Variants in RPS6KA5 observed in about 807,000 individuals in gnomAD.
RPS6KA5 encodes the protein ribosomal protein S6 kinase alpha-5.
RPS6KA5 carries 27 observed loss-of-function variants against 85.5 expected under a neutral mutation model. The ratio of observed to expected loss-of-function variants is 0.32; its 90% confidence interval spans 0.23 to 0.44. RPS6KA5 has a LOEUF of 0.44. Ranked by LOEUF, RPS6KA5 falls within the 20% of genes least tolerant of loss-of-function variation. RPS6KA5 has a pLI of 1.00. For synonymous variants in RPS6KA5, 334 were observed against 348.2 expected (o/e 0.96, Z 0.46); for missense variants, 811 against 980.9 (o/e 0.83, Z 2.31).
intron 2 of RPS6KA5, among the ~76,000 whole-genome samples, chr14:90,998,007 G>GAA (rs58227226): frequency 0.038 from 2,240 of 59,450 alleles, 164 homozygotes; most frequent in Non-Finnish European, 0.05. Flanking sequence ...GACTCTGTCT[G>GAA]AAAAAAAAAA....
intron 1 of RPS6KA5, among the ~76,000 whole-genome samples, chr14:91,049,977 GTCTGC>G (rs1217872532): frequency 2.0e-5 from 3 of 152,234 alleles, no homozygotes; most frequent in Non-Finnish European, 4.4e-5. Context: ...TCTACATGCA[GTCTGC>G]CATTGACCAA....
At position 91,020,622 on chromosome 14, in the gene RPS6KA5, G is replaced by GTGTGTGTA. The variant is rs1386897652; in HGVS notation, c.104-19464_104-19463insTACACACA. Among the ~76,000 whole-genome samples, 38 of 145,638 alleles carry GTGTGTGTA rather than the reference G, an allele frequency of 2.6e-4. 1 individual carries two copies. Among genetic ancestry groups the GTGTGTGTA allele is most frequent in the African/African-American group, 5.0e-4 (19 of 37,658 alleles). On this transcript the variant is annotated intron_variant, in intron 1 of 16. Transcript: ENST00000614987. ...TGTATGTATATATCCTATTGTGTGT[G>GTGTGTGTA]TGTGTGTGTGTGTGTGTGTGTGTGT...
At chr14:90,874,514 T>G (rs1336220876) in intron 15 of RPS6KA5, among the ~76,000 whole-genome samples, 2 of 152,014 alleles carry the variant, frequency 1.3e-5, no homozygotes, top group African/African-American at 2.4e-5. Flanking sequence ...CAGGACCAGG[T>G]CATGAGGGGC....
intron 11 of RPS6KA5, among the ~76,000 whole-genome samples, chr14:90,899,675 A>G (rs970421285): frequency 6.6e-6 from 1 of 152,240 alleles, no homozygotes; most frequent in Non-Finnish European, 1.5e-5. Flanking sequence ...TTTCCTGACA[A>G]TTTAGAGTAA....
chr14:91,036,746 T>C (rs1415046682), intron 1 of RPS6KA5, among the ~76,000 whole-genome samples: 1 of 152,236 alleles, frequency 6.6e-6, no homozygotes, highest in African/African-American at 2.4e-5. Context: ...TTGTCAATTG[T>C]CTGTGCAAGG....
intron 1 of RPS6KA5, among the ~76,000 whole-genome samples, chr14:91,050,775 A>G (rs1275089837): frequency 6.6e-6 from 1 of 152,246 alleles, no homozygotes; most frequent in Non-Finnish European, 1.5e-5. Context: ...AAAAATAAAA[A>G]AAAAGCAAGT....
chr14:91,016,814 G>A (rs981020162), intron 1 of RPS6KA5, among the ~76,000 whole-genome samples: 1 of 147,190 alleles, frequency 6.8e-6, no homozygotes, highest in Non-Finnish European at 1.5e-5. Context: ...TTGGAAAATC[G>A]ATGACAAGAA....
At chr14:90,885,199 G>A (rs1038348443) in intron 14 of RPS6KA5, among the ~76,000 whole-genome samples, 13 of 149,984 alleles carry the variant, frequency 8.7e-5, no homozygotes, top group South Asian at 6.3e-4. Flanking sequence ...GCTGCAGTGA[G>A]CCATGAACGT....
chr14:90,983,276 C>CAAAA (rs562999325), intron 2 of RPS6KA5, among the ~76,000 whole-genome samples: 6 of 66,516 alleles, frequency 9.0e-5, no homozygotes, highest in Non-Finnish European at 1.2e-4. Context: ...GACTCCATCT[C>CAAAA]AAAAAAAAAA....
At chr14:90,981,760 G>A (rs755270143) in intron 2 of RPS6KA5, among the ~76,000 whole-genome samples, 59 of 152,234 alleles carry the variant, frequency 3.9e-4, no homozygotes, top group Non-Finnish European at 6.9e-4. Context: ...TCACCACATG[G>A]TAAGTGCCAG....
chr14:90,958,465 G>A (rs1477424761), intron 3 of RPS6KA5, among the ~76,000 whole-genome samples: 1 of 152,060 alleles, frequency 6.6e-6, no homozygotes, highest in Non-Finnish European at 1.5e-5. Flanking sequence ...TCCTTAGAAA[G>A]GAATATTTTT....
At chr14:90,930,932 T>C (rs866059891) in intron 5 of RPS6KA5, among the ~76,000 whole-genome samples, 10 of 152,210 alleles carry the variant, frequency 6.6e-5, no homozygotes, top group Non-Finnish European at 1.3e-4. Flanking sequence ...TTTTTAGCAC[T>C]GCTGGTGAGA....
At chr14:90,931,753 C>T (rs2036992432) in intron 5 of RPS6KA5, among the ~76,000 whole-genome samples, 1 of 152,044 alleles carries the variant, frequency 6.6e-6, no homozygotes, top group Admixed American at 6.6e-5. Context: ...AAATGCAACA[C>T]TGTGATAGAG....
intron 1 of RPS6KA5, among the ~76,000 whole-genome samples, chr14:91,025,935 G>A (rs1167970499): frequency 1.3e-5 from 2 of 151,918 alleles, no homozygotes; most frequent in East Asian, 1.9e-4. Context: ...AAATGATTCC[G>A]TCACCCAGGT....
At position 90,935,527 on chromosome 14, in the gene RPS6KA5, C is replaced by T. The variant is rs368257487; in HGVS notation, c.618+7551G>A. Among the ~76,000 whole-genome samples, 14 of 152,164 alleles carry T rather than the reference C, an allele frequency of 9.2e-5. No homozygotes were observed. The East Asian group carries it at 9.6e-4, about 10-fold the overall frequency. ...AATTAAGACTCAGAGAGGTTAATGA[C>T]GAAGTGACTTGCCTCATGTCCTAAA... On this transcript the variant is annotated intron_variant, in intron 5 of 16. Transcript: ENST00000614987.
In RPS6KA5 at chr14:90,873,550, C is replaced by T. The variant is rs999585373; in HGVS notation, c.2160+82G>A. On this transcript the variant is annotated intron_variant, in intron 16 of 16. Transcript: ENST00000614987. ...TATTTTAAATGTGAAACAAAGAAAA[C>T]GTATCTGAGGCTACAGAGTAAGAAC... 2.1e-5 allele frequency: 26 copies of T among 1,239,642 alleles called. No homozygotes were observed. In the African/African-American group the frequency reaches 2.4e-4, roughly 12 times the overall value. 76.8% of individuals were successfully genotyped at this position (1,239,642 alleles called of 1,614,324 possible).
chr14:91,007,854 C>A (rs2041093405), intron 1 of RPS6KA5, among the ~76,000 whole-genome samples: 1 of 152,082 alleles, frequency 6.6e-6, no homozygotes, highest in South Asian at 2.1e-4. Flanking sequence ...ATAAAATTAT[C>A]CAGGTTCACT....
intron 3 of RPS6KA5, among the ~76,000 whole-genome samples, chr14:90,952,566 A>G (rs1441605441): frequency 6.6e-6 from 1 of 152,282 alleles, no homozygotes; most frequent in East Asian, 1.9e-4. Context: ...TGGCAAGCCA[A>G]TTCCACCCAA....
chr14:90,880,029 G>A lies in RPS6KA5; in HGVS notation c.1837-4669C>T, dbSNP rs1028863421. On this transcript the variant is annotated intron_variant, in intron 14 of 16. Coordinates refer to ENST00000614987, the MANE Select transcript of RPS6KA5 (RefSeq NM_004755.4). Reference sequence around the variant, plus strand: ...TTGGCCAGGCTGGTCTCAAACTCCCGACCTTGTGATCTACCCGCCTTGGCC... The same window carrying A: ...TTGGCCAGGCTGGTCTCAAACTCCCAACCTTGTGATCTACCCGCCTTGGCC... Among the ~76,000 whole-genome samples, 7 of 152,074 alleles carry A rather than the reference G, an allele frequency of 4.6e-5. No individual in the cohort carries two copies. In the East Asian group the frequency reaches 9.7e-4, roughly 21 times the overall value.
Sources: gnomAD v4.1 joint callset for allele counts (sites outside exome capture counted in the v4.1 genomes callset) on GRCh38, gnomAD v4.1.1 for gene constraint, MANE v1.5 for transcripts, NCBI Gene and HGNC (gene_info 2026-07-23, HGNC 2026-07-21) for gene names.